The following ZNF546 variants were observed in gnomAD, a reference collection of about 807,000 sequenced individuals.
ZNF546 encodes zinc finger protein 546.
A neutral mutation model predicts 76.2 loss-of-function variants in ZNF546; 60 were observed. That is an observed-to-expected ratio of 0.79 (90% confidence interval 0.64 to 0.98). ZNF546 has a LOEUF of 0.98. Ranked by LOEUF, ZNF546 falls within the 50% of genes least tolerant of loss-of-function variation. ZNF546 has a pLI of 0.00. For missense variants in ZNF546, 936 were observed against 1,035.6 expected (o/e 0.90, Z 1.32); for synonymous variants, 277 against 328.1 (o/e 0.84, Z 1.68).
intron 3 of ZNF546, among the ~76,000 whole-genome samples, chr19:40,005,496 C>T (rs374377886): frequency 1.2e-4 from 18 of 152,232 alleles, no homozygotes; most frequent in Middle Eastern, 3.4e-3. Flanking sequence ...TATTATTAAT[C>T]TTTTAAGTCT....
At position 40,016,184 on chromosome 19, in the gene ZNF546, A is replaced by C; in HGVS notation, c.*403A>C. ...TAGTGAGCCATGATTGTGCCACTGC[A>C]CTCCAGCTTGGTGACAGAGTGAGAT... is the stretch of plus-strand genomic sequence containing the variant. On this transcript the variant is annotated 3_prime_UTR_variant, in exon 7 of 7. Transcript: ENST00000347077. 1 of 200,234 alleles carries C rather than the reference A, an allele frequency of 5.0e-6. No homozygotes were observed. The highest frequency in any genetic ancestry group is 1.0e-5 in the Non-Finnish European group (1 of 97,688). The allele number at this position is 200,234 out of a possible 1,614,324, so 12.4% of individuals were successfully genotyped here.
chr19:40,005,082 G>A (rs530049870), intron 3 of ZNF546, among the ~76,000 whole-genome samples: 2 of 133,108 alleles, frequency 1.5e-5, no homozygotes, highest in African/African-American at 6.4e-5. Context: ...GCAGTGGCGC[G>A]ATTTCAGCTC....
At chr19:40,001,802 A>G (rs1202632830) in intron 3 of ZNF546, among the ~76,000 whole-genome samples, 1 of 152,258 alleles carries the variant, frequency 6.6e-6, no homozygotes, top group Non-Finnish European at 1.5e-5. Context: ...AAACTTTACT[A>G]GAAAAAATGA....
rs544712447 is a variant in ZNF546, at chr19:40,018,588, A to C, written c.*2807A>C. The C allele has an allele frequency of 1.3e-5, 2 of 152,356 alleles. No homozygotes were observed. Among genetic ancestry groups the C allele is most frequent in the South Asian group, 4.1e-4 (2 of 4,820 alleles). The allele number at this position is 152,356 out of a possible 1,614,324, so 9.4% of individuals were successfully genotyped here. ...GTAGAGCTCATGGTCCTTCCTTTTG[A>C]ATCTGGCCAGGTGGGCCTGTGTTTA... is the stretch of plus-strand genomic sequence containing the variant. On this transcript the variant is annotated 3_prime_UTR_variant, in exon 7 of 7. Transcript: ENST00000347077.
chr19:40,006,087 TC>T lies in ZNF546; in HGVS notation c.85-3del, dbSNP rs748109215. On this transcript the variant is annotated splice_region_variant and splice_polypyrimidine_tract_variant and intron_variant, in intron 3 of 6. Coordinates refer to ENST00000347077, the MANE Select transcript of ZNF546 (RefSeq NM_178544.5). The stretch of plus-strand genomic sequence containing the variant: ...ATCTGGTCTCAGAGTCACTTGTTCT[TC>T]CCCCCAGCCCCGGTTTCTCTGGATT... The T allele has an allele frequency of 9.9e-6, 16 of 1,613,202 alleles. No homozygotes were observed. The highest frequency in any genetic ancestry group is 1.6e-4 in the Middle Eastern group (1 of 6,080).
chr19:39,998,394 A>T lies in ZNF546; in HGVS notation c.68A>T (p.His23Leu), dbSNP rs1456969930. ...DFLIFQIIPL[H>L]SLSIMPRFLW... ...CTCATTTTTCAAATCATTCCTCTGC[A>T]CTCACTTTCTATAATGGTAGAGAAA... Residue 23 changes from histidine to leucine, a missense_variant, in exon 3 of 7, where the codon CAC (histidine) becomes CTC (leucine). Physicochemically the swap from His to Leu is moderately conservative, Grantham distance 99. Coordinates refer to ENST00000347077, the MANE Select transcript of ZNF546 (RefSeq NM_178544.5). 6.2e-7 allele frequency: 1 copy of T among 1,613,928 alleles called. No homozygotes were observed. Among genetic ancestry groups the T allele is most frequent in the Admixed American group, 1.7e-5 (1 of 60,008 alleles).
chr19:39,998,417 A>T lies in ZNF546; in HGVS notation c.84+7A>T. 6.2e-7 allele frequency: 1 copy of T among 1,609,180 alleles called. No homozygotes were observed. The highest frequency in any genetic ancestry group is 2.2e-5 in the East Asian group (1 of 44,864). On this transcript the variant is annotated splice_region_variant and intron_variant, in intron 3 of 6. Coordinates refer to ENST00000347077, the MANE Select transcript of ZNF546 (RefSeq NM_178544.5). ...GCACTCACTTTCTATAATGGTAGAGAAATGCATATCCTGGAGTCTAAAGTT... is the reference window on the plus strand; with the variant it reads ...GCACTCACTTTCTATAATGGTAGAGTAATGCATATCCTGGAGTCTAAAGTT...
intron 5 of ZNF546, 56 bp downstream of exon 5, chr19:40,007,456 CA>C: frequency 6.8e-7 from 1 of 1,461,340 alleles, no homozygotes; most frequent in Non-Finnish European, 9.1e-7. Flanking sequence ...CAGCTTTCTC[CA>C]CTGTCAAACT....
rs552391564 is a variant in ZNF546, at chr19:40,005,889, T to C, written c.85-207T>C. ...CCCATCATGCAGAAGATCCTAAAAATAGCTACTTTTGTTGTCATCACCTGG... is the reference window on the plus strand; with the variant it reads ...CCCATCATGCAGAAGATCCTAAAAACAGCTACTTTTGTTGTCATCACCTGG... On this transcript the variant is annotated intron_variant, in intron 3 of 6. Transcript: ENST00000347077. Among the ~76,000 whole-genome samples, 25 of 152,310 alleles carry C rather than the reference T, an allele frequency of 1.6e-4. No homozygotes were observed. In the South Asian group the frequency reaches 4.1e-3, roughly 25 times the overall value.
At chr19:40,003,766 C>T (rs1246992356) in intron 3 of ZNF546, among the ~76,000 whole-genome samples, 1 of 152,074 alleles carries the variant, frequency 6.6e-6, no homozygotes, top group African/African-American at 2.4e-5. Context: ...AATACCAGCA[C>T]TTTGGGAGGC....
intron 3 of ZNF546, among the ~76,000 whole-genome samples, chr19:40,003,775 G>A (rs1971560452): frequency 6.6e-6 from 1 of 152,054 alleles, no homozygotes; most frequent in Admixed American, 6.6e-5. Context: ...ACTTTGGGAG[G>A]CTGAAGAGGG....
chr19:40,004,780 T>C (rs1016175860), intron 3 of ZNF546, among the ~76,000 whole-genome samples: 2 of 152,138 alleles, frequency 1.3e-5, no homozygotes, highest in Non-Finnish European at 2.9e-5. Flanking sequence ...TTTAACCTTA[T>C]TTTTTAATTT....
In ZNF546 at chr19:40,014,380, A is replaced by G. The variant is rs1468355843; in HGVS notation, c.1110A>G (p.Arg370=). 2.5e-6 allele frequency: 4 copies of G among 1,614,068 alleles called. No individual in the cohort carries two copies. The Admixed American group carries it at 6.7e-5, about 27-fold the overall frequency. ...GTGGCAAGACCTTTAGGGTACAACGACATATTAGTCAACATCAGAAAATTC... is the reference window on the plus strand; with the variant it reads ...GTGGCAAGACCTTTAGGGTACAACGGCATATTAGTCAACATCAGAAAATTC... ...KVCGKTFRVQ[R]HISQHQKIHT... Residue 370 remains arginine, a synonymous_variant, in exon 7 of 7, where the codon CGA becomes CGG. Transcript: ENST00000347077.
chr19:40,002,986 C>T lies in ZNF546; in HGVS notation c.85-3110C>T, dbSNP rs544871020. Among the ~76,000 whole-genome samples the T allele has an allele frequency of 4.0e-5, 6 of 151,742 alleles. No individual in the cohort carries two copies. In the South Asian group the frequency reaches 6.2e-4, roughly 16 times the overall value. On this transcript the variant is annotated intron_variant, in intron 3 of 6. Transcript: ENST00000347077. The stretch of plus-strand genomic sequence containing the variant: ...AAGTCCTGGGATTGCAGGCGTGAGC[C>T]GCCGTGCCCGGCCTGAACTTTTAAT...
At position 40,014,591 on chromosome 19, in the gene ZNF546, T is replaced by G. The variant is rs765437222; in HGVS notation, c.1321T>G (p.Tyr441Asp). 1.2e-6 allele frequency: 2 copies of G among 1,613,620 alleles called. No homozygotes were observed. The highest frequency in any genetic ancestry group is 2.2e-5 in the South Asian group (2 of 91,058). The change falls in exon 7 of 7, where the codon TAT becomes GAT. Residue 441 changes from tyrosine (Y) to aspartate (D), a missense_variant. Transcript: ENST00000347077. ...TAGAATTCATACTGGTGAGAAACCC[T>G]ATGAATGTAGAGAATGTGGAAAAGC... The part of the protein sequence containing the change: ...HRRIHTGEKP[Y>D]ECRECGKAFR...
At chr19:40,008,321 C>T (rs536870361) in intron 5 of ZNF546, 149 bp from the exon 6 acceptor site, 46 of 482,706 alleles carry the variant, frequency 9.5e-5, no homozygotes, top group Non-Finnish European at 1.6e-4. Context: ...TCTTAGATGG[C>T]CTTTTTCTTC....
intron 3 of ZNF546, among the ~76,000 whole-genome samples, chr19:40,000,524 G>A (rs183792897): frequency 2.1e-3 from 313 of 150,574 alleles, no homozygotes; most frequent in African/African-American, 7.2e-3. Flanking sequence ...TTGGGAGGCT[G>A]AGGCAGAGAA....
chr19:40,002,610 A>G (rs1971543659), intron 3 of ZNF546, among the ~76,000 whole-genome samples: 1 of 151,892 alleles, frequency 6.6e-6, no homozygotes, highest in Admixed American at 6.6e-5. Context: ...ATGATGATGG[A>G]TTTGTTCTAT....
chr19:40,004,098 TAA>T (rs1376802418), intron 3 of ZNF546, among the ~76,000 whole-genome samples: 1 of 143,108 alleles, frequency 7.0e-6, no homozygotes, highest in Non-Finnish European at 1.5e-5. Flanking sequence ...TATTAATATA[TAA>T]ATATATATTA....
Sources: allele counts gnomAD v4.1 joint callset (sites outside exome capture counted in the v4.1 genomes callset), GRCh38; gene constraint gnomAD v4.1.1; transcripts MANE v1.5; gene names NCBI Gene and HGNC (gene_info 2026-07-23, HGNC 2026-07-21).